CFAP92: variants seen among roughly 807,000 people sequenced by gnomAD.
CFAP92 encodes uncharacterized protein CFAP92.
In CFAP92, 86 loss-of-function variants were observed where a neutral mutation model predicts 106.3. The ratio of observed to expected loss-of-function variants is 0.81; its 90% CI spans 0.68 to 0.97. The LOEUF is 0.97. CFAP92 is among the 50% of genes least tolerant of loss of function. CFAP92 has a pLI of 0.00. For missense variants in CFAP92, 1,204 were observed against 1,283.8 expected (o/e 0.94, Z 0.95); for synonymous variants, 477 against 506.4 (o/e 0.94, Z 0.78).
intron 15 of CFAP92, chr3:128,910,845 G>A (rs1356210625): frequency 1.2e-6 from 2 of 1,610,936 alleles, no homozygotes; most frequent in East Asian, 4.5e-5. Context: ...AGGGAAGGAA[G>A]GGCCCACTTC....
chr3:128,992,910 G>T (rs1040142393), intron 2 of CFAP92, 133 bp downstream of exon 2: 23 of 1,008,070 alleles, frequency 2.3e-5, no homozygotes, highest in Non-Finnish European at 3.4e-5. Flanking sequence ...TCTGCTCCTG[G>T]CTGGCACTGG....
At chr3:128,992,491 G>A (rs949134713) in intron 2 of CFAP92, among the ~76,000 whole-genome samples, 5 of 152,086 alleles carry the variant, frequency 3.3e-5, no homozygotes, top group African/African-American at 1.2e-4. Context: ...GAACCCGGAA[G>A]GCTGAGGTTG....
upstream of CFAP92, chr3:129,003,783 T>C: frequency 7.0e-7 from 1 of 1,430,786 alleles, no homozygotes; most frequent in Non-Finnish European, 9.1e-7. Context: ...CCTGCTGCCC[T>C]GTCCCCGCAG....
the CFAP92 span, among the ~76,000 whole-genome samples, chr3:129,017,479 C>T: frequency 3.9e-5 from 6 of 152,346 alleles, no homozygotes; most frequent in East Asian, 5.8e-4. Context: ...CACCCTTGGC[C>T]GGGTCTGGAC....
In CFAP92 at chr3:128,945,849, G is replaced by A. The variant is rs1940165821; in HGVS notation, c.1480C>T (p.His494Tyr). 3.3e-6 allele frequency: 5 copies of A among 1,502,684 alleles called. No individual in the cohort carries two copies. The highest frequency in any genetic ancestry group is 1.3e-5 in the South Asian group (1 of 77,646). The allele number at this position is 1,502,684 out of a possible 1,614,324, so 93.1% of individuals were successfully genotyped here. Residue 494 changes from histidine (H) to tyrosine (Y), a missense_variant, in exon 10 of 16, where the codon CAC becomes TAC. By Grantham distance (83) the His-to-Tyr change is moderately conservative. Coordinates refer to ENST00000645291, the MANE Select transcript of CFAP92 (RefSeq NM_001394090.1). ...AGGTATTCCCTTAGGTCACTGGGGT[G>A]CAGTGCCCCAAGGAAGATGACGTTG... is the stretch of plus-strand genomic sequence containing the variant. ...DINVIFLGALHPSDLREYLEG... is the reference protein window; with the variant it reads ...DINVIFLGALYPSDLREYLEG...
At chr3:129,006,008 A>G (rs1368272922), upstream of CFAP92, among the ~76,000 whole-genome samples, 3 of 152,264 alleles carry the variant, frequency 2.0e-5, no homozygotes, top group Non-Finnish European at 2.9e-5. Flanking sequence ...AGCCCTTTAC[A>G]ATAGAAAAAG....
Position 128,956,993 on chromosome 3 carries a change from A to AG in CFAP92, c.1353+8517_1353+8518insC, listed in dbSNP as rs1439640093. Among the ~76,000 whole-genome samples, 179 of 139,346 alleles carry AG rather than the reference A, an allele frequency of 1.3e-3. 3 individuals carry two copies. The highest frequency in any genetic ancestry group is 3.2e-3 in the African/African-American group (123 of 38,752). 91.4% of individuals were successfully genotyped at this position (139,346 alleles called of 152,430 possible). On this transcript the variant is annotated intron_variant, in intron 9 of 15. Coordinates refer to ENST00000645291, the MANE Select transcript of CFAP92 (RefSeq NM_001394090.1). ...AGACTCTCTCAAAAAAAAAAAAAAA[A>AG]AAAAGAAATCAACCCCATTCTATAC...
chr3:128,976,862 C>T lies in CFAP92; in HGVS notation c.896+117G>A, dbSNP rs954384481. The T allele has an allele frequency of 6.4e-6, 5 of 782,760 alleles. No individual in the cohort carries two copies. In the African/African-American group the frequency reaches 6.9e-5, roughly 11 times the overall value. 48.5% of individuals were successfully genotyped at this position (782,760 alleles called of 1,614,324 possible). ...CCCTTCCCTGTTAGCTTAAGTTAGCCTGGATTGCATGAGATCCAGTTTAAC... is the reference window on the plus strand; with the variant it reads ...CCCTTCCCTGTTAGCTTAAGTTAGCTTGGATTGCATGAGATCCAGTTTAAC... On this transcript the variant is annotated intron_variant, in intron 6 of 15. Coordinates refer to ENST00000645291, the MANE Select transcript of CFAP92 (RefSeq NM_001394090.1).
At chr3:129,000,682 G>GA (rs1265720195) in intron 1 of CFAP92, among the ~76,000 whole-genome samples, 1 of 152,166 alleles carries the variant, frequency 6.6e-6, no homozygotes, top group African/African-American at 2.4e-5. Flanking sequence ...TAAAACACCA[G>GA]AAAAAAACAT....
chr3:128,914,908 A>G, intron 15 of CFAP92: 1 of 567,066 alleles, frequency 1.8e-6, no homozygotes, highest in Non-Finnish European at 3.1e-6. Flanking sequence ...AGTCACACAA[A>G]TGTCACACTT....
At chr3:128,963,893 C>T (rs1444808343) in intron 9 of CFAP92, among the ~76,000 whole-genome samples, 1 of 151,736 alleles carries the variant, frequency 6.6e-6, no homozygotes, top group African/African-American at 2.4e-5. Context: ...GATTTGCCCC[C>T]ACCCAGGACT....
chr3:128,929,265 G>T (rs1262419399), intron 12 of CFAP92, among the ~76,000 whole-genome samples: 1 of 152,210 alleles, frequency 6.6e-6, no homozygotes, highest in Non-Finnish European at 1.5e-5. Flanking sequence ...GGACGGATAA[G>T]TGTTTGTATG....
At chr3:129,002,534 T>G (rs1559953226) in intron 1 of CFAP92, 1 of 1,014,794 alleles carries the variant, frequency 9.9e-7, no homozygotes, top group Non-Finnish European at 1.3e-6. Context: ...TACCACCTAT[T>G]CCATTCCTGA....
intron 2 of CFAP92, among the ~76,000 whole-genome samples, chr3:128,990,121 C>T (rs1944122270): frequency 6.6e-6 from 1 of 152,168 alleles, no homozygotes; most frequent in Non-Finnish European, 1.5e-5. Context: ...AAATATCCAC[C>T]AATAAGGGGT....
At chr3:129,016,982 TAA>T in the CFAP92 span, among the ~76,000 whole-genome samples, 208 of 152,268 alleles carry the variant, frequency 1.4e-3, 2 homozygotes, top group Middle Eastern at 0.01. Flanking sequence ...GGCAGTTCAG[TAA>T]AGTTTTCAAG....
intron 9 of CFAP92, among the ~76,000 whole-genome samples, chr3:128,956,217 A>AAAAAATAAAAAAAAT (rs1941397962): frequency 1.1e-5 from 1 of 88,064 alleles, no homozygotes; most frequent in African/African-American, 1.0e-4. Context: ...TAAAAAAATA[A>AAAAAATAAAAAAAAT]AAAAAAAAAA....
upstream of CFAP92, among the ~76,000 whole-genome samples, chr3:129,003,028 C>T (rs1365066305): frequency 6.6e-6 from 1 of 152,202 alleles, no homozygotes; most frequent in Non-Finnish European, 1.5e-5. Flanking sequence ...AAGGGCAGTG[C>T]TGGGCCGCAG....
upstream of CFAP92, among the ~76,000 whole-genome samples, chr3:129,006,153 T>C (rs764567911): frequency 1.1e-4 from 16 of 152,180 alleles, no homozygotes; most frequent in Non-Finnish European, 2.4e-4. Context: ...AGCCAGAAAG[T>C]AGGAAAGTCA....
chr3:128,957,822 C>T (rs1032789475), intron 9 of CFAP92, among the ~76,000 whole-genome samples: 21 of 96,716 alleles, frequency 2.2e-4, no homozygotes, highest in African/African-American at 1.3e-3. Flanking sequence ...TCCTACGAAG[C>T]GCCATAAACT....
Sources: gnomAD v4.1 joint callset for allele counts (sites outside exome capture counted in the v4.1 genomes callset) on GRCh38, gnomAD v4.1.1 for gene constraint, MANE v1.5 for transcripts, NCBI Gene and HGNC (gene_info 2026-07-23, HGNC 2026-07-21) for gene names.